The following NELL1 variants were observed in gnomAD, a reference collection of about 807,000 sequenced individuals.
NELL1 encodes neural EGFL like 1, also known as protein kinase C-binding protein NELL1.
In NELL1, 76 loss-of-function variants were observed where a neutral mutation model predicts 107.4. The observed-to-expected ratio is 0.71, with a 90% CI of 0.59 to 0.86. NELL1 has a LOEUF of 0.86. Among genes scored for constraint, NELL1 ranks in the 40% least tolerant of loss-of-function variants. NELL1 has a pLI of 0.00. For synonymous variants in NELL1, 353 were observed against 341.2 expected (o/e 1.03, Z -0.38); for missense variants, 1,024 against 1,005.5 (o/e 1.02, Z -0.25).
chr11:20,977,566 C>A (rs1001780802), intron 12 of NELL1, among the ~76,000 whole-genome samples: 2 of 152,154 alleles, frequency 1.3e-5, no homozygotes, highest in African/African-American at 2.4e-5. Flanking sequence ...ACCCGGCTGG[C>A]AAATTAAATC....
intron 12 of NELL1, among the ~76,000 whole-genome samples, chr11:20,994,547 AG>A (rs1852047530): frequency 1.3e-5 from 2 of 151,364 alleles, no homozygotes; most frequent in East Asian, 4.1e-4. Context: ...ATGAATAAAA[AG>A]TTTTTTTAAG....
intron 9 of NELL1, among the ~76,000 whole-genome samples, chr11:20,936,341 C>T (rs1850724304): frequency 6.6e-6 from 1 of 152,184 alleles, no homozygotes; most frequent in Admixed American, 6.5e-5. Flanking sequence ...CCAACTGTCA[C>T]AGCAGTTGTA....
At position 20,756,514 on chromosome 11, in the gene NELL1, T is replaced by A. The variant is rs146122160; in HGVS notation, c.185-27166T>A. ...GAGATGGCGCCGGGCTAATTTTTTGTAATTTTTTTTTTTTTTTTTTTTTTT... is the reference window on the plus strand; with the variant it reads ...GAGATGGCGCCGGGCTAATTTTTTGAAATTTTTTTTTTTTTTTTTTTTTTT... On this transcript the variant is annotated intron_variant, in intron 2 of 19. Coordinates refer to ENST00000357134, the MANE Select transcript of NELL1 (RefSeq NM_006157.5). 2.3e-3 allele frequency among the ~76,000 whole-genome samples: 314 copies of A among 138,500 alleles called. 3 individuals carry two copies. Among genetic ancestry groups the A allele is most frequent in the African/African-American group, 8.6e-3 (293 of 34,144 alleles). 90.9% of individuals were successfully genotyped at this position (138,500 alleles called of 152,430 possible).
intron 12 of NELL1, among the ~76,000 whole-genome samples, chr11:21,040,681 A>G (rs368470458): frequency 4.5e-4 from 69 of 152,190 alleles, no homozygotes; most frequent in African/African-American, 1.6e-3. Flanking sequence ...CCAATCTTAG[A>G]TTAAAAAGAC....
chr11:21,456,570 CAGT>C (rs1853745116), intron 15 of NELL1, among the ~76,000 whole-genome samples: 1 of 151,784 alleles, frequency 6.6e-6, no homozygotes, highest in Non-Finnish European at 1.5e-5. Flanking sequence ...AATATTTCCT[CAGT>C]AGATTTTGAT....
At chr11:20,932,401 T>C (rs1261469568) in intron 9 of NELL1, among the ~76,000 whole-genome samples, 1 of 152,196 alleles carries the variant, frequency 6.6e-6, no homozygotes. Context: ...GTGTGTTTGA[T>C]GATAACACAG....
At chr11:21,541,682 C>T (rs1379165654) in intron 16 of NELL1, among the ~76,000 whole-genome samples, 2 of 151,996 alleles carry the variant, frequency 1.3e-5, no homozygotes, top group African/African-American at 2.4e-5. Context: ...AGATTCAGTC[C>T]GAAATCGGCC....
chr11:20,797,244 G>A (rs1438428526), intron 3 of NELL1, among the ~76,000 whole-genome samples: 1 of 152,160 alleles, frequency 6.6e-6, no homozygotes, highest in Non-Finnish European at 1.5e-5. Context: ...GAATGGCATG[G>A]AGGGGGCAAA....
At position 21,563,653 on chromosome 11, in the gene NELL1, T is replaced by C. The variant is rs555288616; in HGVS notation, c.1980+3271T>C. Among the ~76,000 whole-genome samples the C allele has an allele frequency of 5.3e-5, 8 of 152,188 alleles. No individual in the cohort carries two copies. The East Asian group carries it at 1.6e-3, about 30-fold the overall frequency. On this transcript the variant is annotated intron_variant, in intron 17 of 19. Coordinates refer to ENST00000357134, the MANE Select transcript of NELL1 (RefSeq NM_006157.5). ...GATATGCATAGGTGGTTTGCAATAC[T>C]ATGCAGTTATATGCAAATACTATGC... is the stretch of plus-strand genomic sequence containing the variant.
At chr11:21,440,509 A>C (rs1198328082) in intron 15 of NELL1, among the ~76,000 whole-genome samples, 1 of 152,212 alleles carries the variant, frequency 6.6e-6, no homozygotes, top group East Asian at 1.9e-4. Flanking sequence ...TTGTCAATTA[A>C]ATTTTCACTA....
At chr11:20,759,613 A>T (rs327029) in intron 2 of NELL1, among the ~76,000 whole-genome samples, 1,554 of 152,240 alleles carry the variant, frequency 0.01, 29 homozygotes, top group African/African-American at 0.035. Flanking sequence ...TTCATCCACC[A>T]CTGGGCAGGT....
intron 12 of NELL1, among the ~76,000 whole-genome samples, chr11:21,097,289 C>G (rs34238434): frequency 0.086 from 13,091 of 152,126 alleles, 715 homozygotes; most frequent in Non-Finnish European, 0.11. Flanking sequence ...TGCTTGGTGC[C>G]GTGAAGTAAA....
At chr11:20,755,892 TTTTTTTTTTTTTTTTTA>T (rs1856272327) in intron 2 of NELL1, among the ~76,000 whole-genome samples, 1 of 125,500 alleles carries the variant, frequency 8.0e-6, no homozygotes, top group African/African-American at 3.4e-5. Context: ...TTTTTTTTTT[TTTTTTTTTTTTTTTTTA>T]TGAGACGGAG....
intron 9 of NELL1, among the ~76,000 whole-genome samples, chr11:20,934,641 A>G (rs1850685768): frequency 1.3e-5 from 2 of 152,234 alleles, no homozygotes; most frequent in Non-Finnish European, 2.9e-5. Context: ...TTCGCTTCAC[A>G]GCTTGGGCCA....
chr11:20,953,964 C>CA (rs1385370930), intron 11 of NELL1, among the ~76,000 whole-genome samples: 1 of 152,152 alleles, frequency 6.6e-6, no homozygotes, highest in Non-Finnish European at 1.5e-5. Flanking sequence ...ATAATGCCTG[C>CA]ACATGTGCTA....
intron 14 of NELL1, among the ~76,000 whole-genome samples, chr11:21,322,074 G>A (rs900807584): frequency 1.3e-5 from 2 of 152,168 alleles, no homozygotes; most frequent in Admixed American, 6.5e-5. Flanking sequence ...GGGCCAGGAT[G>A]ATCCCATGGA....
rs1189308118 is a variant in NELL1 at position 20,920,303 on chromosome 11, A to G, written c.759+969A>G. 2.0e-5 allele frequency among the ~76,000 whole-genome samples: 3 copies of G among 152,230 alleles called. No homozygotes were observed. In the East Asian group the frequency reaches 5.8e-4, roughly 29 times the overall value. On this transcript the variant is annotated intron_variant, in intron 7 of 19. Coordinates refer to ENST00000357134, the MANE Select transcript of NELL1 (RefSeq NM_006157.5). ...GCAGCTAAGACTGCTCCCTACCATC[A>G]GCCATGGCATGTGCAAAAAAATTGG...
chr11:20,993,556 G>A (rs1852023744), intron 12 of NELL1, among the ~76,000 whole-genome samples: 1 of 152,078 alleles, frequency 6.6e-6, no homozygotes, highest in South Asian at 2.1e-4. Flanking sequence ...TGGGGGATTG[G>A]TTTCAGGACC....
intron 14 of NELL1, among the ~76,000 whole-genome samples, chr11:21,352,120 G>T (rs1850831838): frequency 6.6e-6 from 1 of 151,996 alleles, no homozygotes; most frequent in Admixed American, 6.6e-5. Context: ...CCTGTTCTCG[G>T]TCTTCCTTTA....
Sources: allele counts gnomAD v4.1 joint callset (sites outside exome capture counted in the v4.1 genomes callset), GRCh38; gene constraint gnomAD v4.1.1; transcripts MANE v1.5; gene names NCBI Gene and HGNC (gene_info 2026-07-23, HGNC 2026-07-21).